The following DZANK1 variants were observed in gnomAD, a reference collection of about 807,000 sequenced individuals.
The protein encoded by DZANK1 is double zinc ribbon and ankyrin repeat-containing protein 1.
Under a neutral mutation model 94.5 loss-of-function variants are expected in DZANK1, and 91 were observed. The observed-to-expected ratio is 0.96, with a 90% CI of 0.81 to 1.15. DZANK1 has a LOEUF of 1.15. Ranked by LOEUF, DZANK1 falls within the 50% of genes most tolerant of loss-of-function variation. The pLI, the probability that DZANK1 is intolerant of heterozygous loss-of-function variation, is 0.00. For missense variants in DZANK1, 903 were observed against 916.4 expected (o/e 0.99, Z 0.19); for synonymous variants, 312 against 325.3 (o/e 0.96, Z 0.44).
At chr20:18,384,651 A>T (rs2048376051) in intron 20 of DZANK1, 87 bp from the exon 21 acceptor site, 3 of 1,407,862 alleles carry the variant, frequency 2.1e-6, no homozygotes, top group Non-Finnish European at 2.8e-6. Flanking sequence ...CATGGAGGCC[A>T]GGCTGGGCCC....
chr20:18,418,887 G>A lies in DZANK1; in HGVS notation c.955-3438C>T, dbSNP rs552773988. On this transcript the variant is annotated intron_variant, in intron 10 of 20. Transcript: ENST00000262547. ...TTACTAGACGGACTGAATAGCTAAAGGAGATGGTAAAGGAAAGTGTAAGTG... is the reference window on the plus strand; with the variant it reads ...TTACTAGACGGACTGAATAGCTAAAAGAGATGGTAAAGGAAAGTGTAAGTG... 3.3e-5 allele frequency among the ~76,000 whole-genome samples: 5 copies of A among 152,266 alleles called. No homozygotes were observed. The South Asian group carries it at 6.2e-4, about 19-fold the overall frequency.
chr20:18,451,010 A>G (rs1490272491), intron 6 of DZANK1, among the ~76,000 whole-genome samples: 2 of 152,140 alleles, frequency 1.3e-5, no homozygotes, highest in South Asian at 2.1e-4. Context: ...CAATGACACA[A>G]TCTTGGCTCA....
intron 13 of DZANK1, among the ~76,000 whole-genome samples, chr20:18,400,338 G>T (rs990306476): frequency 6.6e-6 from 1 of 152,144 alleles, no homozygotes; most frequent in African/African-American, 2.4e-5. Context: ...GGATATGAGG[G>T]ACCATGGAGA....
intron 13 of DZANK1, among the ~76,000 whole-genome samples, chr20:18,401,682 T>C (rs568061021): frequency 5.3e-5 from 8 of 152,174 alleles, no homozygotes; most frequent in African/African-American, 1.9e-4. Flanking sequence ...ATGTCTGGAG[T>C]CTTTGGGTTG....
At chr20:18,393,019 T>G (rs2056104303) in intron 17 of DZANK1, among the ~76,000 whole-genome samples, 1 of 152,216 alleles carries the variant, frequency 6.6e-6, no homozygotes, top group South Asian at 2.1e-4. Context: ...AGGAGGCTTG[T>G]GCACTTTGCC....
chr20:18,394,303 G>A (rs1405706404), exon 16 of DZANK1: 1 of 1,613,854 alleles, frequency 6.2e-7, no homozygotes, highest in Admixed American at 1.7e-5. Flanking sequence ...CGGCAGCACT[G>A]CTCAGAAGGT....
At chr20:18,390,441 G>A in exon 18 of DZANK1, 3 of 1,613,892 alleles carry the variant, frequency 1.9e-6, no homozygotes, top group Non-Finnish European at 2.5e-6. Context: ...ACTTCCTTCA[G>A]CAGGAGTCTG....
At chr20:18,432,417 G>A (rs1332755651) in intron 9 of DZANK1, 1 of 152,138 alleles carries the variant, frequency 6.6e-6, no homozygotes, top group Non-Finnish European at 1.5e-5. Flanking sequence ...CTGTATAGTG[G>A]CTTCCTGCAG....
chr20:18,466,440 A>C (rs901897994), intron 1 of DZANK1, among the ~76,000 whole-genome samples: 3 of 152,184 alleles, frequency 2.0e-5, no homozygotes, highest in African/African-American at 7.2e-5. Context: ...TTAAGGGGTG[A>C]ACTTAATGCC....
chr20:18,459,066 G>A (rs1295786344), intron 3 of DZANK1, among the ~76,000 whole-genome samples: 1 of 152,088 alleles, frequency 6.6e-6, no homozygotes, highest in Non-Finnish European at 1.5e-5. Context: ...CCTTCAAACT[G>A]CATAGTCAGT....
intron 8 of DZANK1, among the ~76,000 whole-genome samples, chr20:18,439,285 A>G (rs924168851): frequency 6.6e-6 from 1 of 152,170 alleles, no homozygotes; most frequent in Non-Finnish European, 1.5e-5. Flanking sequence ...AAGACTTATG[A>G]TATGTACTTG....
intron 10 of DZANK1, among the ~76,000 whole-genome samples, chr20:18,417,033 A>G (rs919651460): frequency 2.2e-5 from 2 of 92,404 alleles, no homozygotes; most frequent in African/African-American, 7.4e-5. Context: ...ACAAAAAAAA[A>G]CAAAAAAAAA....
intron 10 of DZANK1, among the ~76,000 whole-genome samples, chr20:18,418,237 T>G (rs999967080): frequency 6.6e-6 from 1 of 152,100 alleles, no homozygotes; most frequent in Non-Finnish European, 1.5e-5. Flanking sequence ...GTAGTCTACA[T>G]AGCGCATGTG....
At chr20:18,458,338 T>G (rs1442013897) in intron 3 of DZANK1, among the ~76,000 whole-genome samples, 1 of 152,190 alleles carries the variant, frequency 6.6e-6, no homozygotes, top group Non-Finnish European at 1.5e-5. Flanking sequence ...ACAGGGAAAT[T>G]TAGCCACCTA....
At chr20:18,413,242 G>A in intron 12 of DZANK1, 1 of 224,078 alleles carries the variant, frequency 4.5e-6, no homozygotes, top group Non-Finnish European at 8.8e-6. Context: ...GACCTGAGAG[G>A]ACTACCATGA....
At chr20:18,396,332 T>A (rs973760784) in intron 15 of DZANK1, 140 bp downstream of exon 15, 5 of 633,310 alleles carry the variant, frequency 7.9e-6, no homozygotes, top group African/African-American at 7.4e-5. Context: ...TCTAATTCTA[T>A]GAAATTGCTT....
intron 10 of DZANK1, among the ~76,000 whole-genome samples, chr20:18,424,192 G>C (rs2057922626): frequency 6.6e-6 from 1 of 152,216 alleles, no homozygotes. Context: ...GCTCATGCCT[G>C]TAATCCCAGC....
At chr20:18,466,452 T>G (rs12625681) in intron 1 of DZANK1, among the ~76,000 whole-genome samples, 44,813 of 152,120 alleles carry the variant, frequency 0.29, 6,885 homozygotes, top group Non-Finnish European at 0.34. Context: ...CTTAATGCCT[T>G]GTTGGATAGT....
intron 8 of DZANK1, among the ~76,000 whole-genome samples, chr20:18,435,947 GA>G (rs1399176312): frequency 6.6e-6 from 1 of 152,016 alleles, no homozygotes; most frequent in Non-Finnish European, 1.5e-5. Context: ...AACCCTCGGG[GA>G]AAAAAGTCAG....
Sources: gnomAD v4.1 joint callset for allele counts (sites outside exome capture counted in the v4.1 genomes callset) on GRCh38, gnomAD v4.1.1 for gene constraint, MANE v1.5 for transcripts, NCBI Gene and HGNC (gene_info 2026-07-23, HGNC 2026-07-21) for gene names.